Variants in GGA2 observed in about 807,000 individuals in gnomAD.
GGA2 encodes ADP-ribosylation factor-binding protein GGA2.
GGA2 carries 48 observed loss-of-function variants against 79.5 expected under a neutral mutation model. The observed-to-expected ratio is 0.60, with a 90% confidence interval of 0.48 to 0.77. The LOEUF (loss-of-function observed/expected upper bound fraction) is 0.77, where lower values mean the gene tolerates loss of function less well. Among genes scored for constraint, GGA2 ranks in the 30% least tolerant of loss-of-function variants. The probability of loss-of-function intolerance (pLI) is 0.00; values close to 1 mark genes in which losing one functional copy is unlikely to be tolerated. For synonymous variants in GGA2, 317 were observed against 302.0 expected (o/e 1.05, Z -0.51); for missense variants, 770 against 774.0 (o/e 0.99, Z 0.06).
At chr16:23,510,796 T>C (rs564364774), upstream of GGA2, among the ~76,000 whole-genome samples, 1 of 152,316 alleles carries the variant, frequency 6.6e-6, no homozygotes, top group African/African-American at 2.4e-5. Flanking sequence ...AGCCTCCACC[T>C]CCTAGGCTCA....
At chr16:23,484,984 A>C (rs931666780) in intron 8 of GGA2, among the ~76,000 whole-genome samples, 2 of 152,248 alleles carry the variant, frequency 1.3e-5, no homozygotes, top group Non-Finnish European at 1.5e-5. Context: ...GGAACAACCC[A>C]AATGCCCATC....
At chr16:23,477,793 T>C (rs1400848422) in intron 13 of GGA2, among the ~76,000 whole-genome samples, 1 of 152,114 alleles carries the variant, frequency 6.6e-6, no homozygotes, top group Non-Finnish European at 1.5e-5. Context: ...CCTTCCGCCA[T>C]GACTGGGAGG....
chr16:23,498,996 AGAGGCAGGAAGAGAACAGGGG>A (rs1005640953), intron 1 of GGA2, among the ~76,000 whole-genome samples: 10 of 152,116 alleles, frequency 6.6e-5, no homozygotes, highest in Admixed American at 3.3e-4. Context: ...AGAGAAGAGC[AGAGGCAGGAAGAGAACAGGGG>A]GAGGCAGGGA....
intron 2 of GGA2, among the ~76,000 whole-genome samples, chr16:23,517,231 C>CAATTGAATCTGGG (rs1965108034): frequency 2.5e-5 from 1 of 39,596 alleles, no homozygotes; most frequent in Non-Finnish European, 5.9e-5. Flanking sequence ...TAATTTTTTT[C>CAATTGAATCTGGG]TTTTTTTTTT....
At chr16:23,475,247 T>G (rs1435857209) in intron 13 of GGA2, among the ~76,000 whole-genome samples, 186 bp from the exon 14 acceptor site, 1 of 147,516 alleles carries the variant, frequency 6.8e-6, no homozygotes, top group African/African-American at 2.5e-5. Flanking sequence ...TGGAGTGCAA[T>G]CGAACAGTCT....
rs34195789 is a variant in GGA2 at position 23,499,145 on chromosome 16, CT to C, written c.92-3368del. Among the ~76,000 whole-genome samples the C allele has an allele frequency of 2.1e-3, 277 of 134,592 alleles. 1 individual carries two copies. The highest frequency in any genetic ancestry group is 6.6e-3 in the African/African-American group (238 of 36,208). The allele number at this position is 134,592 out of a possible 152,430, so 88.3% of individuals were successfully genotyped here. On this transcript the variant is annotated intron_variant, in intron 1 of 16. Coordinates refer to ENST00000309859, the MANE Select transcript of GGA2 (RefSeq NM_015044.4). ...GAGACACAGCACTGACGGGCACCAC[CT>C]TTTTTTTTTTTTTTTTGATATGGAG...
Position 23,510,328 on chromosome 16 carries a change from C to G in GGA2, c.84G>C (p.Leu28=), listed in dbSNP as rs1372733426. Residue 28 remains leucine (L), a synonymous_variant, in exon 1 of 17, where the codon CTG becomes CTC. Coordinates refer to ENST00000309859, the MANE Select transcript of GGA2 (RefSeq NM_015044.4). ...GCCTGCCAGGCTACTCACTGAGCCA[C>G]AGCTCCAGCGACGCTGCCGGGCCCG... ...GPPGPAASLE[L]WLNKATDPSM... 2 of 1,437,476 alleles carry G rather than the reference C, an allele frequency of 1.4e-6. No individual in the cohort carries two copies. The highest frequency in any genetic ancestry group is 3.0e-5 in the African/African-American group (2 of 67,694). The allele number at this position is 1,437,476 out of a possible 1,614,324, so 89.0% of individuals were successfully genotyped here.
rs1228467487 is a variant in GGA2, at chr16:23,510,320, C to T, written c.91+1G>A. The T allele has an allele frequency of 7.0e-7, 1 of 1,436,100 alleles. No homozygotes were observed. Among genetic ancestry groups the T allele is most frequent in the Non-Finnish European group, 9.1e-7 (1 of 1,093,936 alleles). 89.0% of individuals were successfully genotyped at this position (1,436,100 alleles called of 1,614,324 possible). On this transcript the variant is annotated splice_donor_variant, in intron 1 of 16. Transcript: ENST00000309859. LOFTEE classifies it high-confidence loss of function. ...CGCCGAAGGCCTGCCAGGCTACTCA[C>T]TGAGCCACAGCTCCAGCGACGCTGC...
chr16:23,487,192 G>C (rs1374741070), intron 6 of GGA2, among the ~76,000 whole-genome samples: 2 of 152,092 alleles, frequency 1.3e-5, no homozygotes, highest in African/African-American at 4.8e-5. Flanking sequence ...ATGTTGGCCA[G>C]GATGGTCTCA....
intron 4 of GGA2, among the ~76,000 whole-genome samples, chr16:23,492,352 G>A (rs541218152): frequency 6.6e-6 from 1 of 152,292 alleles, no homozygotes; most frequent in South Asian, 2.1e-4. Context: ...TGGAGGTGGT[G>A]GGGCGGGCAG....
chr16:23,524,305 C>G (rs1485709946), upstream of GGA2: 18 of 1,437,540 alleles, frequency 1.3e-5, no homozygotes, highest in Admixed American at 3.0e-4. Context: ...TCCTTCTGGT[C>G]TCTGAAAGCT....
At chr16:23,480,435 T>C (rs1964632420) in intron 10 of GGA2, 1 of 505,872 alleles carries the variant, frequency 2.0e-6, no homozygotes. Flanking sequence ...CTTTTGTGTG[T>C]AGTCAAAGCT....
chr16:23,519,084 C>G (rs1274710675), intron 2 of GGA2, among the ~76,000 whole-genome samples: 1 of 142,132 alleles, frequency 7.0e-6, no homozygotes, highest in Non-Finnish European at 1.5e-5. Flanking sequence ...CTCTGTCACC[C>G]TGGCTGGAGT....
intron 5 of GGA2, among the ~76,000 whole-genome samples, chr16:23,490,755 A>T (rs1049362284): frequency 5.3e-5 from 8 of 151,622 alleles, no homozygotes; most frequent in African/African-American, 1.7e-4. Context: ...AAAAAAAAAG[A>T]AGTAAATAAA....
At chr16:23,516,827 C>T (rs898675598) in intron 2 of GGA2, among the ~76,000 whole-genome samples, 7 of 152,124 alleles carry the variant, frequency 4.6e-5, no homozygotes, top group African/African-American at 1.7e-4. Context: ...AGGGAGGGTA[C>T]TTAGGAGTTT....
intron 5 of GGA2, among the ~76,000 whole-genome samples, chr16:23,490,326 C>T (rs529746831): frequency 1.3e-5 from 2 of 152,232 alleles, no homozygotes; most frequent in Non-Finnish European, 2.9e-5. Flanking sequence ...ATTAAAAACT[C>T]CTTACCTCAC....
chr16:23,471,042 C>T (rs1320929747), intron 14 of GGA2, among the ~76,000 whole-genome samples: 1 of 151,862 alleles, frequency 6.6e-6, no homozygotes, highest in Non-Finnish European at 1.5e-5. Flanking sequence ...GTTGGTCAGG[C>T]TGGGGGAGGT....
In GGA2 at chr16:23,487,528, C is replaced by T. The variant is rs75719789; in HGVS notation, c.580-738G>A. On this transcript the variant is annotated intron_variant, in intron 6 of 16. Transcript: ENST00000309859. Reference sequence around the variant, plus strand: ...ACCATGTGCTTTATGACACAACAGACCCTGGTGATCTTGTTCATCCCTTCA... The same window carrying T: ...ACCATGTGCTTTATGACACAACAGATCCTGGTGATCTTGTTCATCCCTTCA... Among the ~76,000 whole-genome samples the T allele has an allele frequency of 8.9e-3, 1,356 of 152,238 alleles. 26 individuals carry two copies. Among genetic ancestry groups the T allele is most frequent in the African/African-American group, 0.03 (1,249 of 41,534 alleles).
rs143266058 is a variant in GGA2 at position 23,507,691 on chromosome 16, T to C, written c.91+2630A>G. On this transcript the variant is annotated intron_variant, in intron 1 of 16. Coordinates refer to ENST00000309859, the MANE Select transcript of GGA2 (RefSeq NM_015044.4). ...GGCGTGTGCCCGTAATCCCAGCTACTTGGGAGGCTGAGGCAGGAGAATTGC... is the reference window on the plus strand; with the variant it reads ...GGCGTGTGCCCGTAATCCCAGCTACCTGGGAGGCTGAGGCAGGAGAATTGC... 5.4e-3 allele frequency among the ~76,000 whole-genome samples: 823 copies of C among 151,988 alleles called. 35 individuals are homozygous for C. The East Asian group carries it at 0.089, about 16-fold the overall frequency.
Sources: gnomAD v4.1 joint callset for allele counts (sites outside exome capture counted in the v4.1 genomes callset) on GRCh38, gnomAD v4.1.1 for gene constraint, MANE v1.5 for transcripts, NCBI Gene and HGNC (gene_info 2026-07-23, HGNC 2026-07-21) for gene names.